CACNA1A: variants seen among roughly 807,000 people sequenced by gnomAD.
CACNA1A encodes voltage-dependent P/Q-type calcium channel subunit alpha-1A.
CACNA1A carries 57 observed loss-of-function variants against 262.4 expected under a neutral mutation model. The observed-to-expected ratio is 0.22, with a 90% CI of 0.18 to 0.27. The LOEUF is 0.27. Among genes scored for constraint, CACNA1A ranks in the 10% least tolerant of loss-of-function variants. The pLI is 1.00. For missense variants in CACNA1A, 2,526 were observed against 3,562.8 expected, an observed-to-expected ratio of 0.71 and a Z score of 7.41; for synonymous variants, 1,431 against 1,419.3, an observed-to-expected ratio of 1.01 and a Z score of -0.18.
chr19:13,461,296 C>T (rs1290140582), intron 1 of CACNA1A, among the ~76,000 whole-genome samples: 9 of 152,106 alleles, frequency 5.9e-5, no homozygotes, highest in Non-Finnish European at 1.0e-4. Context: ...GCCGAGATAA[C>T]GCCACTGCAC....
rs1214586505 is a variant in CACNA1A at position 13,207,516 on chromosome 19, C to CG, written c.7317dup (p.Val2440ArgfsTer63). 2.6e-5 allele frequency: 37 copies of CG among 1,431,596 alleles called. No homozygotes were observed. Among genetic ancestry groups the CG allele is most frequent in the East Asian group, 3.1e-5 (1 of 32,222 alleles). 88.7% of individuals were successfully genotyped at this position (1,431,596 alleles called of 1,614,324 possible). A position where few individuals can be genotyped will look rare whatever the true frequency, so the allele number is the denominator to read the frequency against. ...GTGGCGCCCGAGGACGCGTGTCGTA[C>CG]GGGGGGTGGCGCGTCGTAGGCCCCG... On this transcript the variant is annotated frameshift_variant, in exon 47 of 47. Coordinates refer to ENST00000360228, the MANE Select transcript of CACNA1A (RefSeq NM_001127222.2). LOFTEE classifies it high-confidence loss of function. The surrounding 1 kb of genome is among the most constrained non-coding windows in gnomAD (Gnocchi z 5.7).
At chr19:13,363,511 A>AC (rs1568573012) in intron 5 of CACNA1A, 5 of 135,184 alleles carry the variant, frequency 3.7e-5, no homozygotes, top group African/African-American at 1.2e-4. Context: ...AAACCAACAA[A>AC]CCAAAACCCA....
chr19:13,272,706 G>C (rs140676590), intron 24 of CACNA1A: 1 of 151,012 alleles, frequency 6.6e-6, no homozygotes, highest in African/African-American at 2.4e-5. Context: ...AAGAGAGAGG[G>C]AAGAGAGGGG....
In CACNA1A at chr19:13,207,217, C is replaced by G; in HGVS notation, c.*96G>C. 4 of 1,319,332 alleles carry G rather than the reference C, an allele frequency of 3.0e-6. No homozygotes were observed. The highest frequency in any genetic ancestry group is 3.9e-6 in the Non-Finnish European group (4 of 1,015,536). The allele number at this position is 1,319,332 out of a possible 1,614,324, so 81.7% of individuals were successfully genotyped here. A position where few individuals can be genotyped will look rare whatever the true frequency, so the allele number is the denominator to read the frequency against. ...CTCCCGGCTGGCCCTCTCCCGGGCC[C>G]TCTGTGCTGGGCCCCCGCGGCCTCT... On this transcript the variant is annotated 3_prime_UTR_variant, in exon 47 of 47. Transcript: ENST00000360228. This position sits in a 1 kb window ranked among gnomAD's most constrained non-coding sequence, Gnocchi z 5.7.
At chr19:13,235,339 T>C (rs2055838706) in intron 32 of CACNA1A, 65 bp from the exon 33 acceptor site, 1 of 1,438,270 alleles carries the variant, frequency 7.0e-7, no homozygotes, top group Non-Finnish European at 9.6e-7. Context: ...TCTTCCTCCC[T>C]TGTCCCAGTG....
chr19:13,368,307 C>G (rs1472875469), intron 4 of CACNA1A, among the ~76,000 whole-genome samples: 2 of 151,526 alleles, frequency 1.3e-5, no homozygotes, highest in Admixed American at 1.3e-4. Context: ...AGAGCAAGAG[C>G]CTTAGTTAGT....
chr19:13,356,548 C>T (rs183897581), intron 6 of CACNA1A, among the ~76,000 whole-genome samples: 1 of 152,296 alleles, frequency 6.6e-6, no homozygotes, highest in East Asian at 1.9e-4. Context: ...TATAACCGAG[C>T]CCTCTGGAAA....
intron 10 of CACNA1A, among the ~76,000 whole-genome samples, chr19:13,325,320 G>A (rs749697233): frequency 7.9e-5 from 12 of 151,804 alleles, no homozygotes; most frequent in Admixed American, 2.6e-4. Flanking sequence ...GCAACATAGC[G>A]AGACCGTGTC....
chr19:13,323,776 C>T (rs981617329), intron 10 of CACNA1A, among the ~76,000 whole-genome samples: 2 of 152,106 alleles, frequency 1.3e-5, no homozygotes, highest in Non-Finnish European at 2.9e-5. Flanking sequence ...TAGTTTGATA[C>T]GATCCCATTT....
chr19:13,207,825 C>A lies in CACNA1A; in HGVS notation c.7009G>T (p.Gly2337Cys), dbSNP rs1305410177. Residue 2337 changes from glycine to cysteine, a missense_variant, in exon 47 of 47, where the codon GGC (glycine) becomes TGC (cysteine). Gly to Cys is a radical substitution (Grantham distance 159, BLOSUM62 -3). Transcript: ENST00000360228. This position sits in a 1 kb window ranked among gnomAD's most constrained non-coding sequence, Gnocchi z 5.7. ...GTGGGGCCTGGGTACCTCCGAGGGC[C>A]GCTGGTGGCCGCCCGGCCCGGCCTG... is the stretch of plus-strand genomic sequence containing the variant. Reference protein sequence around the residue: ...VARPGRAATSGPRRYPGPTAE... With the variant: ...VARPGRAATSCPRRYPGPTAE... The A allele has an allele frequency of 1.4e-6, 2 of 1,462,952 alleles. No homozygotes were observed. The highest frequency in any genetic ancestry group is 1.8e-6 in the Non-Finnish European group (2 of 1,114,474). The allele number at this position is 1,462,952 out of a possible 1,614,324, so 90.6% of individuals were successfully genotyped here. A position where few individuals can be genotyped will look rare whatever the true frequency, so the allele number is the denominator to read the frequency against.
Position 13,212,714 on chromosome 19 carries a change from G to A in CACNA1A, c.5967C>T (p.Arg1989=). 1.3e-6 allele frequency: 2 copies of A among 1,507,900 alleles called. No individual in the cohort carries two copies. Among genetic ancestry groups the A allele is most frequent in the African/African-American group, 1.4e-5 (1 of 71,574 alleles). 93.4% of individuals were successfully genotyped at this position (1,507,900 alleles called of 1,614,324 possible). ...CCTGCGTTGGGGACGGGGGCTCCAT[G>A]CGCTGGAACATGAGGGGTGTCCGGT... ...EQDRTPLMFQ[R]MEPPSPTQEG... is the part of the protein sequence containing the mutation. The change falls in exon 41 of 47, where the codon CGC becomes CGT. Residue 1989 remains arginine (R), a synonymous_variant. Transcript: ENST00000360228. The surrounding 1 kb of genome is among the most constrained non-coding windows in gnomAD (Gnocchi z 5.6).
At chr19:13,395,107 C>A (rs919123264) in intron 3 of CACNA1A, among the ~76,000 whole-genome samples, 2 of 150,814 alleles carry the variant, frequency 1.3e-5, no homozygotes, top group Non-Finnish European at 2.9e-5. Context: ...AACACTGTCT[C>A]TACTAAAAAT....
intron 30 of CACNA1A, among the ~76,000 whole-genome samples, chr19:13,247,581 T>C (rs2056275405): frequency 6.6e-6 from 1 of 151,904 alleles, no homozygotes; most frequent in Non-Finnish European, 1.5e-5. Context: ...GCGCCTGTAG[T>C]CCCAGCTACT....
intron 38 of CACNA1A, among the ~76,000 whole-genome samples, chr19:13,216,649 AT>A (rs2055020809): frequency 5.6e-3 from 2 of 356 alleles, no homozygotes; most frequent in African/African-American, 0.036. Context: ...TTAAAAATTT[AT>A]CTATCTATCT....
chr19:13,299,159 A>C lies in CACNA1A; in HGVS notation c.2474T>G (p.Val825Gly). 6.2e-7 allele frequency: 1 copy of C among 1,613,010 alleles called. No homozygotes were observed. Among genetic ancestry groups the C allele is most frequent in the Non-Finnish European group, 8.5e-7 (1 of 1,179,860 alleles). ...GTTGTTGCGGTTCTCCTGCGGGTCC[A>C]CCACCAGCGGCCGGTCCAAGTGCGT... is the stretch of plus-strand genomic sequence containing the variant. ...MKTHLDRPLVVDPQENRNNNT... is the reference protein window; with the variant it reads ...MKTHLDRPLVGDPQENRNNNT... The change falls in exon 19 of 47, where the codon GTG (valine) becomes GGG (glycine). Residue 825 changes from valine (V) to glycine (G), a missense_variant. Physicochemically the swap from Val to Gly is moderately radical, Grantham distance 109. This residue lies in a region of CACNA1A where 765 missense variants were observed against 748.6 expected (regional missense o/e 1.02). Coordinates refer to ENST00000360228, the MANE Select transcript of CACNA1A (RefSeq NM_001127222.2).
chr19:13,207,604 G>A lies in CACNA1A; in HGVS notation c.7230C>T (p.Tyr2410=). The change falls in exon 47 of 47, where the codon TAC becomes TAT. Residue 2410 remains tyrosine (Y), a synonymous_variant. Transcript: ENST00000360228. The surrounding 1 kb of genome is among the most constrained non-coding windows in gnomAD (Gnocchi z 5.7). ...GPPGPRHHGY[Y]RGSDYDEADG... ...CGGCCTCGTCGTAGTCGGAGCCCCG[G>A]TAGTAGCCATGGTGCCGGGGACCCG... 2 of 1,482,380 alleles carry A rather than the reference G, an allele frequency of 1.3e-6. No homozygotes were observed. The highest frequency in any genetic ancestry group is 1.8e-6 in the Non-Finnish European group (2 of 1,116,618). 91.8% of individuals were successfully genotyped at this position (1,482,380 alleles called of 1,614,324 possible).
intron 36 of CACNA1A, among the ~76,000 whole-genome samples, chr19:13,228,280 G>A (rs2055541133): frequency 6.6e-6 from 1 of 151,916 alleles, no homozygotes; most frequent in Admixed American, 6.6e-5. Context: ...GGCCTAGGTG[G>A]GGAGCAGGGG....
At chr19:13,215,703 G>A (rs1315982644) in intron 38 of CACNA1A, among the ~76,000 whole-genome samples, 3 of 149,028 alleles carry the variant, frequency 2.0e-5, no homozygotes, top group South Asian at 2.1e-4. Flanking sequence ...TGTTACCTCC[G>A]CCTCCCAGGT....
chr19:13,303,089 A>G (rs747910787), intron 17 of CACNA1A, among the ~76,000 whole-genome samples: 6 of 152,104 alleles, frequency 3.9e-5, no homozygotes, highest in Non-Finnish European at 8.8e-5. Flanking sequence ...AGGTGGGGAC[A>G]TTTATTGGCC....
Sources: gnomAD v4.1 joint callset for allele counts (sites outside exome capture counted in the v4.1 genomes callset) on GRCh38, gnomAD v4.1.1 for gene constraint, gnomAD v4.1.1 regional missense constraint, Gnocchi (gnomAD v3.1) non-coding constraint, MANE v1.5 for transcripts, NCBI Gene and HGNC (gene_info 2026-07-23, HGNC 2026-07-21) for gene names.